ULK4: variants seen among roughly 807,000 people sequenced by gnomAD.
ULK4 encodes the protein unc-51 like kinase 4, also known as inactive serine/threonine-protein kinase ULK4.
Under a neutral mutation model 160.6 loss-of-function variants are expected in ULK4, and 133 were observed. The observed-to-expected ratio is 0.83, with a 90% CI of 0.72 to 0.96. The LOEUF is 0.96. Among genes scored for constraint, ULK4 ranks in the 40% least tolerant of loss-of-function variants. The pLI is 0.00. For missense variants in ULK4, 1,580 were observed against 1,499.5 expected, an observed-to-expected ratio of 1.05 and a Z score of -0.89; for synonymous variants, 534 against 539.8, an observed-to-expected ratio of 0.99 and a Z score of 0.15.
chr3:41,398,276 C>T lies in ULK4; in HGVS notation c.3493-12G>A, dbSNP rs369242035. The T allele has an allele frequency of 6.2e-7, 1 of 1,606,342 alleles. No individual in the cohort carries two copies. The highest frequency in any genetic ancestry group is 1.3e-5 in the African/African-American group (1 of 74,166). On this transcript the variant is annotated splice_polypyrimidine_tract_variant and intron_variant, in intron 34 of 36. Coordinates refer to ENST00000301831, the MANE Select transcript of ULK4 (RefSeq NM_017886.4). The stretch of plus-strand genomic sequence containing the variant: ...TCTTCATTAGGAAGCTGAAAATTAA[C>T]AAATAAGACTATTTAAATTTCCTTG...
chr3:41,615,931 G>A (rs1405536964), intron 30 of ULK4, among the ~76,000 whole-genome samples: 1 of 152,168 alleles, frequency 6.6e-6, no homozygotes, highest in African/African-American at 2.4e-5. Flanking sequence ...TAGCCTTATT[G>A]ATGTGTAGCA....
chr3:41,872,115 C>G (rs1697117561), intron 17 of ULK4, among the ~76,000 whole-genome samples: 1 of 152,188 alleles, frequency 6.6e-6, no homozygotes, highest in Non-Finnish European at 1.5e-5. Context: ...GGATATAGCC[C>G]TTAGTCCCGG....
intron 35 of ULK4, among the ~76,000 whole-genome samples, chr3:41,334,614 C>T (rs866628902): frequency 2.6e-5 from 4 of 152,200 alleles, no homozygotes; most frequent in Non-Finnish European, 4.4e-5. Context: ...GAGCCTGCTG[C>T]GTCTCCTCCT....
intron 35 of ULK4, among the ~76,000 whole-genome samples, chr3:41,305,106 T>G (rs1050385077): frequency 5.3e-5 from 8 of 152,150 alleles, no homozygotes; most frequent in Non-Finnish European, 7.3e-5. Flanking sequence ...TGAATAGGAA[T>G]GAGGACAGAA....
chr3:41,877,686 T>C (rs1366571875), intron 17 of ULK4, among the ~76,000 whole-genome samples: 1 of 152,054 alleles, frequency 6.6e-6, no homozygotes, highest in Non-Finnish European at 1.5e-5. Flanking sequence ...AAACGAATTT[T>C]AAATCTGAAT....
chr3:41,402,310 G>C (rs1451627728), intron 34 of ULK4, among the ~76,000 whole-genome samples: 1 of 152,028 alleles, frequency 6.6e-6, no homozygotes, highest in Non-Finnish European at 1.5e-5. Flanking sequence ...AATACAGATA[G>C]GTTTATTTCT....
intron 22 of ULK4, among the ~76,000 whole-genome samples, chr3:41,748,290 T>C (rs888966029): frequency 1.3e-5 from 2 of 151,214 alleles, no homozygotes; most frequent in Admixed American, 1.3e-4. Flanking sequence ...ATATTATATA[T>C]ATACACACAC....
intron 20 of ULK4, among the ~76,000 whole-genome samples, chr3:41,795,094 C>T (rs960630570): frequency 6.6e-6 from 1 of 152,066 alleles, no homozygotes; most frequent in African/African-American, 2.4e-5. Context: ...AGGTAAATAG[C>T]GAAAAAGACC....
Position 41,738,663 on chromosome 3 carries a change from G to A in ULK4, c.2321+15698C>T, listed in dbSNP as rs370570868. Reference sequence around the variant, plus strand: ...TCAGTCAGTTTTCTGCAGCTCCGAGGTCTACAGCAGGTTGGGACATCCCTC... The same window carrying A: ...TCAGTCAGTTTTCTGCAGCTCCGAGATCTACAGCAGGTTGGGACATCCCTC... On this transcript the variant is annotated intron_variant, in intron 22 of 36. Transcript: ENST00000301831. Among the ~76,000 whole-genome samples the A allele has an allele frequency of 3.2e-4, 48 of 151,952 alleles. No homozygotes were observed. The South Asian group carries it at 9.3e-3, about 30-fold the overall frequency.
At chr3:41,775,356 T>C (rs992876129) in intron 21 of ULK4, among the ~76,000 whole-genome samples, 2 of 150,246 alleles carry the variant, frequency 1.3e-5, no homozygotes, top group Non-Finnish European at 2.9e-5. Flanking sequence ...CATATCCACA[T>C]GCTAATGAAT....
intron 35 of ULK4, among the ~76,000 whole-genome samples, chr3:41,272,637 T>C (rs2079158206): frequency 6.6e-6 from 1 of 152,022 alleles, no homozygotes; most frequent in Admixed American, 6.6e-5. Context: ...ATTGGATCTA[T>C]GGGTTTATAG....
At chr3:41,754,567 T>C in intron 21 of ULK4, 79 bp from the exon 22 acceptor site, 2 of 1,374,442 alleles carry the variant, frequency 1.5e-6, no homozygotes, top group Non-Finnish European at 9.7e-7. Flanking sequence ...GAACAGACTA[T>C]AATAATCAAG....
chr3:41,438,822 C>A (rs2083093942), intron 34 of ULK4, among the ~76,000 whole-genome samples: 1 of 151,862 alleles, frequency 6.6e-6, no homozygotes, highest in Non-Finnish European at 1.5e-5. Flanking sequence ...AGAATGAGAT[C>A]CCCGACTCAA....
At chr3:41,513,826 C>T (rs775259098) in intron 32 of ULK4, among the ~76,000 whole-genome samples, 4 of 152,032 alleles carry the variant, frequency 2.6e-5, no homozygotes, top group Non-Finnish European at 4.4e-5. Context: ...ACAGGTGGGA[C>T]GGAGCTGAGG....
intron 32 of ULK4, among the ~76,000 whole-genome samples, chr3:41,538,578 A>T (rs1191526214): frequency 1.3e-5 from 2 of 152,166 alleles, no homozygotes; most frequent in African/African-American, 4.8e-5. Flanking sequence ...CACAATGAAA[A>T]ATACACAAGA....
chr3:41,890,658 G>A (rs1412033455), intron 16 of ULK4, among the ~76,000 whole-genome samples: 6 of 145,912 alleles, frequency 4.1e-5, no homozygotes, highest in Admixed American at 1.4e-4. Flanking sequence ...CAGCCTGGGC[G>A]ACAGAGCAAG....
chr3:41,364,038 C>T (rs983014195), intron 35 of ULK4, among the ~76,000 whole-genome samples: 1 of 152,036 alleles, frequency 6.6e-6, no homozygotes, highest in Non-Finnish European at 1.5e-5. Flanking sequence ...TCAAGCTATC[C>T]TCCCACTTTC....
intron 29 of ULK4, among the ~76,000 whole-genome samples, chr3:41,676,706 G>A (rs570313590): frequency 4.6e-5 from 7 of 152,168 alleles, no homozygotes; most frequent in African/African-American, 1.7e-4. Context: ...AAACATGTCT[G>A]TGAAATAAGA....
chr3:41,469,168 T>C (rs1191545998), intron 32 of ULK4, among the ~76,000 whole-genome samples: 1 of 152,108 alleles, frequency 6.6e-6, no homozygotes, highest in Non-Finnish European at 1.5e-5. Context: ...AGAGGCTCTA[T>C]CTATCACACC....
Sources: allele counts gnomAD v4.1 joint callset (sites outside exome capture counted in the v4.1 genomes callset), GRCh38; gene constraint gnomAD v4.1.1; transcripts MANE v1.5; gene names NCBI Gene and HGNC (gene_info 2026-07-23, HGNC 2026-07-21).